Variants in OVCH1 observed in about 807,000 individuals in gnomAD.
The protein encoded by OVCH1 is ovochymase 1, also known as ovochymase-1.
Under a neutral mutation model 138.4 loss-of-function variants are expected in OVCH1, and 139 were observed. The ratio of observed to expected loss-of-function variants is 1.00; its 90% CI spans 0.87 to 1.16. The LOEUF (loss-of-function observed/expected upper bound fraction) is 1.16, where lower values mean the gene tolerates loss of function less well. Ranked by LOEUF, OVCH1 falls within the 50% of genes most tolerant of loss-of-function variation. The probability of loss-of-function intolerance (pLI) is 0.00; values close to 1 mark genes in which losing one functional copy is unlikely to be tolerated. For missense variants in OVCH1, 1,367 were observed against 1,357.9 expected (o/e 1.01, Z -0.11); for synonymous variants, 453 against 467.8 (o/e 0.97, Z 0.41).
At chr12:29,455,363 G>A in exon 20 of OVCH1, 1 of 1,613,604 alleles carries the variant, frequency 6.2e-7, no homozygotes, top group Non-Finnish European at 8.5e-7. Flanking sequence ...AGGACAAAGG[G>A]ACCATTTTCA....
intron 27 of OVCH1, among the ~76,000 whole-genome samples, chr12:29,429,460 A>C (rs1348476697): frequency 6.6e-6 from 1 of 152,230 alleles, no homozygotes; most frequent in Non-Finnish European, 1.5e-5. Context: ...TCCCAAGGCC[A>C]ATGTAGGTCA....
chr12:29,476,889 T>G (rs1942752900), intron 12 of OVCH1, among the ~76,000 whole-genome samples: 1 of 151,978 alleles, frequency 6.6e-6, no homozygotes, highest in African/African-American at 2.4e-5. Flanking sequence ...GGGAATCTGA[T>G]GAGGAGCCTT....
intron 15 of OVCH1, 83 bp downstream of exon 15, chr12:29,472,946 G>T: frequency 8.2e-7 from 1 of 1,217,080 alleles, no homozygotes; most frequent in Non-Finnish European, 1.2e-6. Context: ...TATAGCCAAT[G>T]TAAGATAAGG....
chr12:29,441,945 T>C (rs1016565926), intron 25 of OVCH1, among the ~76,000 whole-genome samples: 5 of 152,124 alleles, frequency 3.3e-5, no homozygotes, highest in Admixed American at 1.3e-4. Flanking sequence ...CCAGTCAGAA[T>C]GGCGATCATT....
chr12:29,477,056 C>T (rs553077342), intron 12 of OVCH1, 46 bp downstream of exon 12: 52 of 1,502,232 alleles, frequency 3.5e-5, no homozygotes, highest in African/African-American at 2.6e-4. Flanking sequence ...GCCTAACTAA[C>T]GTAACTCTAT....
At chr12:29,489,690 A>T (rs757151356) in exon 6 of OVCH1, 1 of 1,610,294 alleles carries the variant, frequency 6.2e-7, no homozygotes, top group South Asian at 1.1e-5. Context: ...AGGGAGGTTC[A>T]TGCTCTTGAG....
At chr12:29,488,620 C>CAAAAAAAAAAAAAAAA (rs67595567) in intron 6 of OVCH1, among the ~76,000 whole-genome samples, 87 of 61,714 alleles carry the variant, frequency 1.4e-3, no homozygotes, top group African/African-American at 4.2e-3. Context: ...GACTCCATCT[C>CAAAAAAAAAAAAAAAA]AAAAAAAAAA....
At chr12:29,419,140 G>C (rs1359847913) in intron 3 of OVCH1, among the ~76,000 whole-genome samples, 1 of 152,082 alleles carries the variant, frequency 6.6e-6, no homozygotes, top group Admixed American at 6.6e-5. Context: ...TTACAGGTGT[G>C]AACCACCATG....
At chr12:29,496,079 T>G in intron 3 of OVCH1, 102 bp downstream of exon 3, 1 of 1,089,416 alleles carries the variant, frequency 9.2e-7, no homozygotes. Context: ...GAGGCAAAAG[T>G]AAGAAAGGGA....
At chr12:29,440,569 T>A (rs1387772935) in intron 25 of OVCH1, 7 of 331,956 alleles carry the variant, frequency 2.1e-5, no homozygotes, top group Non-Finnish European at 4.1e-5. Flanking sequence ...TTCTCTTATT[T>A]AATTCTCAAA....
At chr12:29,444,231 C>G (rs750532619) in exon 24 of OVCH1, 2 of 1,612,220 alleles carry the variant, frequency 1.2e-6, no homozygotes, top group African/African-American at 1.3e-5. Flanking sequence ...GGACCAAGTG[C>G]TCTCTGTTTG....
At chr12:29,489,479 C>T in intron 6 of OVCH1, 141 bp downstream of exon 6, 2 of 978,550 alleles carry the variant, frequency 2.0e-6, no homozygotes, top group Non-Finnish European at 2.9e-6. Context: ...TACACTTTTT[C>T]AGTAGAAATC....
chr12:29,436,903 A>T (rs1047261202), intron 26 of OVCH1, among the ~76,000 whole-genome samples: 1 of 152,220 alleles, frequency 6.6e-6, no homozygotes, highest in East Asian at 1.9e-4. Context: ...AAGCTTCCAC[A>T]GCATGGAAAG....
At position 29,445,504 on chromosome 12, in the gene OVCH1, T is replaced by A. The variant is rs187080394; in HGVS notation, c.2756-101A>T. 2.3e-4 allele frequency: 266 copies of A among 1,165,564 alleles called. No homozygotes were observed. In the East Asian group the frequency reaches 4.7e-3, roughly 20 times the overall value. The allele number at this position is 1,165,564 out of a possible 1,614,324, so 72.2% of individuals were successfully genotyped here. On this transcript the variant is annotated intron_variant, in intron 22 of 27. Coordinates refer to ENST00000318184, the Ensembl canonical transcript of OVCH1. ...ATTAATTTAACCCACGAGGTAGGAA[T>A]TGATTCCATTCTGTAAAATGATGAA...
intron 19 of OVCH1, among the ~76,000 whole-genome samples, chr12:29,459,880 ATAT>A (rs1358739130): frequency 2.0e-5 from 3 of 152,182 alleles, no homozygotes. Flanking sequence ...CTGCATTCCA[ATAT>A]TATTATTCCC....
chr12:29,440,186 T>C (rs1012940542), intron 25 of OVCH1, among the ~76,000 whole-genome samples: 3 of 152,172 alleles, frequency 2.0e-5, no homozygotes, highest in Non-Finnish European at 4.4e-5. Context: ...AGAAGAGAAA[T>C]ATTTTTTTAC....
At chr12:29,424,997 T>C (rs1025199141), downstream of OVCH1, among the ~76,000 whole-genome samples, 16 of 152,178 alleles carry the variant, frequency 1.1e-4, no homozygotes, top group African/African-American at 3.9e-4. Context: ...TAAATTAACC[T>C]AATTTCATTT....
At chr12:29,405,491 T>C in the OVCH1 span, among the ~76,000 whole-genome samples, 2 of 152,188 alleles carry the variant, frequency 1.3e-5, no homozygotes, top group African/African-American at 4.8e-5. Flanking sequence ...AAAATACATA[T>C]AAACCTAGGC....
chr12:29,444,153 A>G (rs1210724261), exon 24 of OVCH1: 11 of 1,606,788 alleles, frequency 6.8e-6, no homozygotes, highest in African/African-American at 1.3e-5. Context: ...ACCCCATAGT[A>G]GTTCTGTGAG....
Sources: allele counts gnomAD v4.1 joint callset (sites outside exome capture counted in the v4.1 genomes callset), GRCh38; gene constraint gnomAD v4.1.1; transcripts MANE v1.5; gene names NCBI Gene and HGNC (gene_info 2026-07-23, HGNC 2026-07-21).